The following CYP4X1 variants were observed in gnomAD, a reference collection of about 807,000 sequenced individuals.
CYP4X1 encodes the protein cytochrome P450 family 4 subfamily X member 1.
In CYP4X1, 44 loss-of-function variants were observed where a neutral mutation model predicts 57.9. That is an observed-to-expected ratio of 0.76 (90% CI 0.60 to 0.98). The LOEUF is 0.98. Among genes scored for constraint, CYP4X1 ranks in the 50% least tolerant of loss-of-function variants. The pLI is 0.00. For synonymous variants in CYP4X1, 227 were observed against 228.6 expected, an observed-to-expected ratio of 0.99 and a Z score of 0.06; for missense variants, 532 against 623.9, an observed-to-expected ratio of 0.85 and a Z score of 1.57.
chr1:47,049,595 C>G, intron 11 of CYP4X1, 91 bp downstream of exon 11: 1 of 1,173,906 alleles, frequency 8.5e-7, no homozygotes, highest in South Asian at 1.3e-5. Context: ...ATACATTCTT[C>G]CAGGGAACCG....
At chr1:46,986,393 C>G in the CYP4X1 span, among the ~76,000 whole-genome samples, 1 of 151,916 alleles carries the variant, frequency 6.6e-6, no homozygotes, top group African/African-American at 2.4e-5. Flanking sequence ...GTGAAAAGAC[C>G]AAACCTATGT....
upstream of CYP4X1, among the ~76,000 whole-genome samples, chr1:47,020,954 G>C (rs1643989187): frequency 6.6e-6 from 1 of 151,920 alleles, no homozygotes; most frequent in African/African-American, 2.4e-5. Context: ...CTTGTCTCTT[G>C]TGTCTGAGAT....
chr1:46,995,296 A>G, the CYP4X1 span, among the ~76,000 whole-genome samples: 1 of 152,182 alleles, frequency 6.6e-6, no homozygotes, highest in Non-Finnish European at 1.5e-5. Context: ...TTAGAGGCTA[A>G]AGGCAGAAAA....
At chr1:46,961,555 C>T in the CYP4X1 span, 2 of 1,223,558 alleles carry the variant, frequency 1.6e-6, no homozygotes, top group South Asian at 1.4e-5. Flanking sequence ...GGGAGAGCTG[C>T]TCTTCCTGAG....
intron 8 of CYP4X1, among the ~76,000 whole-genome samples, chr1:47,042,759 C>A (rs904104308): frequency 6.6e-5 from 10 of 152,126 alleles, no homozygotes; most frequent in Admixed American, 5.9e-4. Context: ...GTCTCCAATT[C>A]CATCCAGATT....
intron 8 of CYP4X1, among the ~76,000 whole-genome samples, chr1:47,045,768 G>A (rs1314731763): frequency 6.6e-6 from 1 of 152,162 alleles, no homozygotes; most frequent in African/African-American, 2.4e-5. Context: ...TCCCTTTCTT[G>A]GAGACTCTCT....
At chr1:46,961,633 G>A in the CYP4X1 span, 1 of 1,289,848 alleles carries the variant, frequency 7.8e-7, no homozygotes, top group Non-Finnish European at 1.0e-6. Flanking sequence ...GGCAGCTGAA[G>A]TTCCCACCCT....
chr1:47,042,708 G>A (rs901988206), intron 8 of CYP4X1, among the ~76,000 whole-genome samples: 2 of 152,080 alleles, frequency 1.3e-5, no homozygotes, highest in African/African-American at 4.8e-5. Flanking sequence ...AACATATAAT[G>A]TTTGGTTCTC....
At chr1:47,014,020 C>T in the CYP4X1 span, among the ~76,000 whole-genome samples, 2 of 152,016 alleles carry the variant, frequency 1.3e-5, no homozygotes, top group Non-Finnish European at 2.9e-5. Context: ...GGTGATCTGC[C>T]CACCTCGGCC....
the CYP4X1 span, among the ~76,000 whole-genome samples, chr1:46,997,750 C>G: frequency 6.6e-6 from 1 of 152,162 alleles, no homozygotes; most frequent in Non-Finnish European, 1.5e-5. Context: ...AATGGTAGTT[C>G]TATTTCTAGT....
At chr1:47,001,885 C>T in the CYP4X1 span, among the ~76,000 whole-genome samples, 6 of 152,234 alleles carry the variant, frequency 3.9e-5, no homozygotes, top group Admixed American at 2.0e-4. Context: ...CATGTCCTAA[C>T]CCTCTTCATG....
intron 8 of CYP4X1, among the ~76,000 whole-genome samples, chr1:47,044,826 T>C (rs1412915762): frequency 6.7e-6 from 1 of 149,864 alleles, no homozygotes; most frequent in East Asian, 2.0e-4. Flanking sequence ...GAATTACTCT[T>C]TTTTTTTTTT....
intron 1 of CYP4X1, 149 bp downstream of exon 1, chr1:47,024,143 A>G: frequency 1.0e-6 from 1 of 977,254 alleles, no homozygotes; most frequent in Non-Finnish European, 1.5e-6. Flanking sequence ...TGTGGCTCTT[A>G]GCATCATTTT....
the CYP4X1 span, among the ~76,000 whole-genome samples, chr1:47,010,343 C>T: frequency 6.6e-6 from 1 of 152,096 alleles, no homozygotes; most frequent in African/African-American, 2.4e-5. Context: ...CAGAAAAGGC[C>T]TTTGACAAAA....
chr1:47,046,706 A>G (rs1223356914), intron 9 of CYP4X1, 106 bp downstream of exon 9: 17 of 1,506,900 alleles, frequency 1.1e-5, no homozygotes, highest in Non-Finnish European at 1.4e-5. Context: ...TCAAAAGATA[A>G]TGCTAACATG....
intron 3 of CYP4X1, among the ~76,000 whole-genome samples, 199 bp from the exon 4 acceptor site, chr1:47,033,042 C>T (rs963642184): frequency 2.6e-5 from 4 of 152,136 alleles, no homozygotes; most frequent in Admixed American, 1.3e-4. Context: ...ATATTAAATA[C>T]ATCCATCCCA....
intron 6 of CYP4X1, among the ~76,000 whole-genome samples, chr1:47,038,189 T>C (rs1644206199): frequency 6.6e-6 from 1 of 152,188 alleles, no homozygotes; most frequent in Non-Finnish European, 1.5e-5. Context: ...CCTGTACATG[T>C]ACCCCTGTAT....
chr1:47,003,960 T>G, the CYP4X1 span, among the ~76,000 whole-genome samples: 1 of 152,058 alleles, frequency 6.6e-6, no homozygotes, highest in East Asian at 1.9e-4. Flanking sequence ...GCCAAGAAAA[T>G]GGGGTCTGGA....
At chr1:47,049,021 T>C (rs1023126577) in intron 10 of CYP4X1, among the ~76,000 whole-genome samples, 9 of 152,178 alleles carry the variant, frequency 5.9e-5, no homozygotes, top group Admixed American at 3.9e-4. Context: ...ATCAGACAAA[T>C]CAGCTGTGAA....
Sources: gnomAD v4.1 joint callset for allele counts (sites outside exome capture counted in the v4.1 genomes callset) on GRCh38, gnomAD v4.1.1 for gene constraint, MANE v1.5 for transcripts, NCBI Gene and HGNC (gene_info 2026-07-23, HGNC 2026-07-21) for gene names.